Variants in TAFA1 observed in about 807,000 individuals in gnomAD.
The protein encoded by TAFA1 is chemokine-like protein TAFA-1.
In TAFA1, 4 loss-of-function variants were observed where a neutral mutation model predicts 18.5. That is an observed-to-expected ratio of 0.22 (90% CI 0.11 to 0.49). TAFA1 has a LOEUF of 0.49. Ranked by LOEUF, TAFA1 falls within the 20% of genes least tolerant of loss-of-function variation. TAFA1 has a pLI of 0.98. For synonymous variants in TAFA1, 56 were observed against 55.2 expected (o/e 1.01, Z -0.06); for missense variants, 147 against 169.0 (o/e 0.87, Z 0.72).
intron 2 of TAFA1, among the ~76,000 whole-genome samples, chr3:68,207,357 G>C (rs2066540594): frequency 6.6e-6 from 1 of 151,808 alleles, no homozygotes. Context: ...TATTTTTATA[G>C]ACCATCAGAA....
chr3:68,047,149 T>C lies in TAFA1; in HGVS notation c.118+40405T>C, dbSNP rs115359997. ...ACAGATGCTACACATATTATCTTTA[T>C]AAAGCACCGACAGTGAGAGCAGTTT... is the stretch of plus-strand genomic sequence containing the variant. On this transcript the variant is annotated intron_variant, in intron 2 of 4. Coordinates refer to ENST00000478136, the MANE Select transcript of TAFA1 (RefSeq NM_213609.4). Among the ~76,000 whole-genome samples the C allele has an allele frequency of 4.2e-3, 638 of 152,266 alleles. 5 individuals carry two copies. Among genetic ancestry groups the C allele is most frequent in the African/African-American group, 0.015 (620 of 41,522 alleles).
chr3:68,452,351 C>T (rs905584638), intron 3 of TAFA1, among the ~76,000 whole-genome samples: 10 of 151,700 alleles, frequency 6.6e-5, no homozygotes, highest in African/African-American at 1.7e-4. Flanking sequence ...GGTGAAACCC[C>T]GTCTCTACTA....
At chr3:68,372,193 AT>A (rs2069720158) in intron 2 of TAFA1, among the ~76,000 whole-genome samples, 1 of 152,222 alleles carries the variant, frequency 6.6e-6, no homozygotes. Context: ...AATCATAGAC[AT>A]TAGTAGTTAC....
chr3:68,379,515 A>T (rs2069887425), intron 2 of TAFA1, among the ~76,000 whole-genome samples: 1 of 152,034 alleles, frequency 6.6e-6, no homozygotes, highest in African/African-American at 2.4e-5. Flanking sequence ...TCTTTTGTCA[A>T]CTTTTGCTTT....
the TAFA1 span, among the ~76,000 whole-genome samples, chr3:67,998,928 C>A: frequency 1.3e-5 from 2 of 152,106 alleles, no homozygotes; most frequent in Admixed American, 1.3e-4. Context: ...CCAAACACAT[C>A]CTACTTCTTT....
intron 2 of TAFA1, among the ~76,000 whole-genome samples, chr3:68,381,731 C>T (rs1027250002): frequency 6.6e-6 from 1 of 152,178 alleles, no homozygotes; most frequent in African/African-American, 2.4e-5. Context: ...GACAATTTGA[C>T]TTCCTCTTTT....
intron 2 of TAFA1, among the ~76,000 whole-genome samples, chr3:68,288,666 C>A (rs1190175501): frequency 6.6e-6 from 1 of 152,126 alleles, no homozygotes; most frequent in Admixed American, 6.6e-5. Context: ...AATATTAATA[C>A]CCCTTGTTCT....
rs565378813 is a variant in TAFA1 at position 68,376,247 on chromosome 3, C to CT, written c.119-41022dup. Among the ~76,000 whole-genome samples the CT allele has an allele frequency of 1.7e-3, 244 of 142,754 alleles. 1 individual carries two copies. The highest frequency in any genetic ancestry group is 4.7e-3 in the South Asian group (21 of 4,484). The allele number at this position is 142,754 out of a possible 152,430, so 93.7% of individuals were successfully genotyped here. A position where few individuals can be genotyped will look rare whatever the true frequency, so the allele number is the denominator to read the frequency against. ...AGTTATTTGGAATTCTATCCTAGTT[C>CT]TTTTTTTTTTTAACTTTTATTTTAA... On this transcript the variant is annotated intron_variant, in intron 2 of 4. Transcript: ENST00000478136.
intron 2 of TAFA1, among the ~76,000 whole-genome samples, chr3:68,214,750 G>A (rs2066634472): frequency 1.3e-5 from 2 of 152,088 alleles, no homozygotes; most frequent in South Asian, 4.1e-4. Context: ...AGCAACTGCA[G>A]TTTGCCCTTT....
chr3:67,996,704 G>A, the TAFA1 span, among the ~76,000 whole-genome samples: 41 of 152,032 alleles, frequency 2.7e-4, no homozygotes, highest in South Asian at 7.9e-3. Flanking sequence ...GAGGCTGAGG[G>A]ATGAGAATTC....
chr3:68,503,057 A>G (rs950145412), intron 3 of TAFA1, among the ~76,000 whole-genome samples: 3 of 152,092 alleles, frequency 2.0e-5, no homozygotes, highest in African/African-American at 7.2e-5. Flanking sequence ...AATCTGACCT[A>G]CTCTGAAGTT....
chr3:68,043,868 A>T (rs1051551541), intron 2 of TAFA1, among the ~76,000 whole-genome samples: 6 of 152,024 alleles, frequency 3.9e-5, no homozygotes, highest in African/African-American at 1.5e-4. Context: ...ATTATACCTT[A>T]ATTTCTAGGG....
At chr3:68,155,813 A>G (rs143103095) in intron 2 of TAFA1, among the ~76,000 whole-genome samples, 1 of 152,268 alleles carries the variant, frequency 6.6e-6, no homozygotes, top group African/African-American at 2.4e-5. Context: ...CCTCCATTAT[A>G]TCCCAGTTTC....
chr3:68,329,409 A>G (rs1247254303), intron 2 of TAFA1, among the ~76,000 whole-genome samples: 1 of 151,652 alleles, frequency 6.6e-6, no homozygotes, highest in Non-Finnish European at 1.5e-5. Context: ...TTTGGTGCCT[A>G]TGTTTCCAAA....
intron 2 of TAFA1, among the ~76,000 whole-genome samples, chr3:68,036,177 A>C (rs1382071398): frequency 6.6e-6 from 1 of 152,078 alleles, no homozygotes; most frequent in African/African-American, 2.4e-5. Flanking sequence ...ACGCTGTCTC[A>C]CTCCAGTAAT....
At chr3:68,241,913 T>C (rs528988603) in intron 2 of TAFA1, among the ~76,000 whole-genome samples, 1 of 152,204 alleles carries the variant, frequency 6.6e-6, no homozygotes, top group East Asian at 1.9e-4. Context: ...AATTGGAAAA[T>C]CTTGAAGTTT....
chr3:68,155,704 A>C (rs2065860034), intron 2 of TAFA1, among the ~76,000 whole-genome samples: 1 of 152,172 alleles, frequency 6.6e-6, no homozygotes, highest in African/African-American at 2.4e-5. Context: ...GAAAATGGAA[A>C]GTGCTTCACA....
intron 2 of TAFA1, among the ~76,000 whole-genome samples, chr3:68,100,609 C>A (rs1409705794): frequency 6.6e-6 from 1 of 152,162 alleles, no homozygotes; most frequent in East Asian, 1.9e-4. Context: ...TCTAAGCATT[C>A]TTTTGTCATT....
intron 3 of TAFA1, among the ~76,000 whole-genome samples, chr3:68,486,093 T>TTTTAA: frequency 1.8e-5 from 1 of 54,922 alleles, no homozygotes; most frequent in African/African-American, 8.0e-5. Context: ...TTTTATTTTA[T>TTTTAA]TTTATTTTGT....
Sources: allele counts gnomAD v4.1 joint callset (sites outside exome capture counted in the v4.1 genomes callset), GRCh38; gene constraint gnomAD v4.1.1; transcripts MANE v1.5; gene names NCBI Gene and HGNC (gene_info 2026-07-23, HGNC 2026-07-21).